CLXN: variants seen among roughly 807,000 people sequenced by gnomAD.
CLXN encodes the protein calaxin.
At chr8:48,717,877 T>C in the CLXN span, among the ~76,000 whole-genome samples, 1 of 152,074 alleles carries the variant, frequency 6.6e-6, no homozygotes, top group Non-Finnish European at 1.5e-5. Flanking sequence ...AATTGATATA[T>C]ACACAAAAAT....
At chr8:48,714,534 G>T in the CLXN span, among the ~76,000 whole-genome samples, 12 of 152,170 alleles carry the variant, frequency 7.9e-5, 1 homozygote, top group South Asian at 2.5e-3. Flanking sequence ...AATAAAAGAG[G>T]GTTATTCATA....
the CLXN span, chr8:48,724,558 C>A: frequency 2.2e-6 from 1 of 456,114 alleles, no homozygotes; most frequent in Non-Finnish European, 3.9e-6. Flanking sequence ...TAATAAGGGA[C>A]TTCTTGTCTT....
chr8:48,720,439 T>C, the CLXN span, among the ~76,000 whole-genome samples: 1 of 152,148 alleles, frequency 6.6e-6, no homozygotes, highest in African/African-American at 2.4e-5. Context: ...TCTAGGAATG[T>C]CTGTCTTGTG....
chr8:48,730,274 G>T, the CLXN span: 2 of 368,938 alleles, frequency 5.4e-6, no homozygotes, highest in East Asian at 4.6e-5. Context: ...AAATGTATAT[G>T]TACATAATTA....
chr8:48,721,032 A>C, the CLXN span, among the ~76,000 whole-genome samples: 1 of 152,202 alleles, frequency 6.6e-6, no homozygotes, highest in African/African-American at 2.4e-5. Context: ...ATCATCATAT[A>C]TGTAGAAAAC....
the CLXN span, among the ~76,000 whole-genome samples, chr8:48,716,757 T>C: frequency 6.6e-6 from 1 of 151,256 alleles, no homozygotes; most frequent in African/African-American, 2.4e-5. Context: ...GATTATCCAG[T>C]TGGGGAGAAA....
At chr8:48,714,741 A>G in the CLXN span, among the ~76,000 whole-genome samples, 1 of 152,230 alleles carries the variant, frequency 6.6e-6, no homozygotes, top group Non-Finnish European at 1.5e-5. Flanking sequence ...TTCCTGATGA[A>G]TGATCTGGCA....
the CLXN span, chr8:48,735,303 A>G: frequency 6.1e-5 from 51 of 838,240 alleles, no homozygotes; most frequent in East Asian, 1.0e-3. Flanking sequence ...CGGTGTAGCC[A>G]AGGCAACGGC....
At chr8:48,735,067 C>G in the CLXN span, 1 of 1,613,782 alleles carries the variant, frequency 6.2e-7, no homozygotes, top group Non-Finnish European at 8.5e-7. Flanking sequence ...GGAGCCTCGG[C>G]CTGTCCAGCA....
chr8:48,714,805 T>A, the CLXN span: 1 of 152,234 alleles, frequency 6.6e-6, no homozygotes, highest in East Asian at 1.9e-4. Context: ...ACAATTCTAC[T>A]TTTACAAACT....
chr8:48,720,755 C>T, the CLXN span, among the ~76,000 whole-genome samples: 1 of 152,122 alleles, frequency 6.6e-6, no homozygotes, highest in Admixed American at 6.5e-5. Flanking sequence ...ACTCCCTATT[C>T]TTACAGCCCC....
chr8:48,712,216 C>T, the CLXN span: 1 of 152,258 alleles, frequency 6.6e-6, no homozygotes, highest in African/African-American at 2.4e-5. Context: ...CCACACTGTT[C>T]TCTGTCTTCA....
At chr8:48,727,214 TCATCCATCCATCCATCCATC>T in the CLXN span, among the ~76,000 whole-genome samples, 7 of 111,364 alleles carry the variant, frequency 6.3e-5, no homozygotes, top group East Asian at 8.8e-4. Context: ...ATCTATCCAC[TCATCCATCCATCCATCCATC>T]CATCCATCCA....
At chr8:48,720,759 C>G in the CLXN span, among the ~76,000 whole-genome samples, 1 of 152,240 alleles carries the variant, frequency 6.6e-6, no homozygotes, top group South Asian at 2.1e-4. Flanking sequence ...CCTATTCTTA[C>G]AGCCCCTCCC....
chr8:48,730,693 CAG>C, the CLXN span: 1 of 1,073,260 alleles, frequency 9.3e-7, no homozygotes, highest in Non-Finnish European at 1.4e-6. Flanking sequence ...TAATAACTCT[CAG>C]TAAAGTATCT....
the CLXN span, among the ~76,000 whole-genome samples, chr8:48,728,834 C>A: frequency 6.6e-5 from 10 of 152,266 alleles, no homozygotes; most frequent in Non-Finnish European, 1.5e-4. Context: ...TTGTTTCTGA[C>A]ATGAATGAGT....
the CLXN span, chr8:48,711,729 T>C: frequency 4.6e-5 from 7 of 152,348 alleles, no homozygotes; most frequent in Non-Finnish European, 1.0e-4. Context: ...GGAGGATATG[T>C]GGCGAGAACA....
At chr8:48,732,819 T>C in the CLXN span, among the ~76,000 whole-genome samples, 2 of 152,198 alleles carry the variant, frequency 1.3e-5, no homozygotes, top group East Asian at 1.9e-4. Flanking sequence ...TGAACATTTA[T>C]GGATATTGCA....
the CLXN span, among the ~76,000 whole-genome samples, chr8:48,719,500 T>A: frequency 6.6e-6 from 1 of 152,042 alleles, no homozygotes; most frequent in South Asian, 2.1e-4. Context: ...CTGATGAACA[T>A]TGGAACAAAA....
Sources: gnomAD v4.1 joint callset for allele counts (sites outside exome capture counted in the v4.1 genomes callset) on GRCh38, gnomAD v4.1.1 for gene constraint, MANE v1.5 for transcripts, NCBI Gene and HGNC (gene_info 2026-07-23, HGNC 2026-07-21) for gene names.